RNF182: variants seen among roughly 807,000 people sequenced by gnomAD.
The protein encoded by RNF182 is E3 ubiquitin-protein ligase RNF182.
A neutral mutation model predicts 14.4 loss-of-function variants in RNF182; 15 were observed. The ratio of observed to expected loss-of-function variants is 1.04; its 90% CI spans 0.70 to 1.60. RNF182 has a LOEUF of 1.60. Among genes scored for constraint, RNF182 ranks in the 40% most tolerant of loss-of-function variants. The probability of loss-of-function intolerance (pLI) is 0.00; values close to 1 mark genes in which losing one functional copy is unlikely to be tolerated. For missense variants in RNF182, 268 were observed against 294.8 expected (o/e 0.91, Z 0.67); for synonymous variants, 128 against 122.9 (o/e 1.04, Z -0.27).
intron 1 of RNF182, among the ~76,000 whole-genome samples, chr6:13,942,504 G>T (rs1165162098): frequency 1.3e-5 from 2 of 152,000 alleles, no homozygotes; most frequent in South Asian, 2.1e-4. Context: ...ACCACACCTG[G>T]CTAATTTTTG....
chr6:13,949,779 A>G, intron 1 of RNF182: 1 of 165,476 alleles, frequency 6.0e-6, no homozygotes, highest in Non-Finnish European at 1.3e-5. Flanking sequence ...GAATAGGTAA[A>G]CATACAGTGC....
chr6:13,925,126 G>T (rs936770022), intron 1 of RNF182, 103 bp downstream of exon 1: 2 of 124,706 alleles, frequency 1.6e-5, no homozygotes, highest in East Asian at 5.2e-4. Context: ...GCGCCGGGCC[G>T]CCCAAGCGCG....
chr6:13,977,491 G>T lies in RNF182; in HGVS notation c.372G>T (p.Thr124=). The T allele has an allele frequency of 1.2e-6, 2 of 1,614,106 alleles. No individual in the cohort carries two copies. The highest frequency in any genetic ancestry group is 1.7e-6 in the Non-Finnish European group (2 of 1,180,024). Residue 124 remains threonine (T), a synonymous_variant, in exon 3 of 3, where the codon ACG becomes ACT. Coordinates refer to ENST00000488300, the MANE Select transcript of RNF182 (RefSeq NM_152737.4). ...RLASLVSPSH[T]SSNCLVITIM... ...CCTCTCTGGTCAGTCCTTCTCACAC[G>T]TCCTCCAACTGCCTGGTCATAACCA...
chr6:13,953,074 T>C (rs1367631043), intron 1 of RNF182, among the ~76,000 whole-genome samples: 1 of 152,230 alleles, frequency 6.6e-6, no homozygotes, highest in African/African-American at 2.4e-5. Context: ...TCAGGACATT[T>C]CCTGGGTCTG....
intron 1 of RNF182, among the ~76,000 whole-genome samples, chr6:13,931,652 TTTTTTTTTTA>T (rs1758973383): frequency 1.2e-5 from 1 of 80,074 alleles, no homozygotes. Flanking sequence ...TTTTTTTCTC[TTTTTTTTTTA>T]ATGTTCAAGG....
intron 1 of RNF182, among the ~76,000 whole-genome samples, chr6:13,930,100 A>G (rs1758928641): frequency 6.6e-6 from 1 of 151,494 alleles, no homozygotes; most frequent in Non-Finnish European, 1.5e-5. Context: ...TCAATTATGG[A>G]TTGGAAATAT....
chr6:13,954,336 G>A (rs1268841823), intron 1 of RNF182, among the ~76,000 whole-genome samples: 3 of 152,094 alleles, frequency 2.0e-5, no homozygotes, highest in African/African-American at 4.8e-5. Context: ...TTCCCTTATT[G>A]TCTTGTAAAT....
chr6:13,950,052 C>A (rs1213982914), intron 1 of RNF182, among the ~76,000 whole-genome samples: 1 of 152,220 alleles, frequency 6.6e-6, no homozygotes, highest in Non-Finnish European at 1.5e-5. Flanking sequence ...CTGAACTAGG[C>A]AAGAAACTTC....
chr6:13,974,980 A>T (rs954932931), intron 2 of RNF182, among the ~76,000 whole-genome samples: 1 of 152,196 alleles, frequency 6.6e-6, no homozygotes, highest in Admixed American at 6.5e-5. Context: ...CTGGGTGGGC[A>T]TGTAGCTGCA....
At position 13,925,021 on chromosome 6, in the gene RNF182, CAGGTAAGG is replaced by C. The variant is rs1185245939; in HGVS notation, c.-368_-367+6del. 1.3e-4 allele frequency: 20 copies of C among 150,450 alleles called. No individual in the cohort carries two copies. Among genetic ancestry groups the C allele is most frequent in the South Asian group, 4.0e-4 (2 of 5,052 alleles). 9.3% of individuals were successfully genotyped at this position (150,450 alleles called of 1,614,324 possible). On this transcript the variant is annotated splice_donor_variant and splice_donor_5th_base_variant and 5_prime_UTR_variant and intron_variant, in exon 1 of 3. Coordinates refer to ENST00000488300, the MANE Select transcript of RNF182 (RefSeq NM_152737.4). LOFTEE classifies it low-confidence loss of function (5UTR_SPLICE). ...TCCCGGGCCCTGGGCCGCCGCCGGC[CAGGTAAGG>C]CGATCGCGCCCGCGGCCGGGGAGGG...
chr6:13,927,025 C>T (rs1251823501), intron 1 of RNF182, among the ~76,000 whole-genome samples: 2 of 152,118 alleles, frequency 1.3e-5, no homozygotes, highest in Non-Finnish European at 2.9e-5. Flanking sequence ...TGCTAGCTCA[C>T]ACGGGCACAA....
At position 13,977,221 on chromosome 6, in the gene RNF182, C is replaced by A. The variant is rs1561790524; in HGVS notation, c.102C>A (p.Pro34=). ...YNRYNLKQRK[P]KVLECCHRVC... ...GATACAATCTGAAACAGAGGAAACC[C>A]AAAGTGCTGGAGTGTTGTCATAGGG... The change falls in exon 3 of 3, where the codon CCC becomes CCA. Residue 34 remains proline, a synonymous_variant. Coordinates refer to ENST00000488300, the MANE Select transcript of RNF182 (RefSeq NM_152737.4). 3 of 1,614,160 alleles carry A rather than the reference C, an allele frequency of 1.9e-6. No individual in the cohort carries two copies. Among genetic ancestry groups the A allele is most frequent in the East Asian group, 2.2e-5 (1 of 44,882 alleles).
At chr6:13,953,226 C>G (rs115726317) in intron 1 of RNF182, among the ~76,000 whole-genome samples, 1,583 of 152,288 alleles carry the variant, frequency 0.01, 31 homozygotes, top group African/African-American at 0.036. Context: ...TTACTCAGCC[C>G]CTAGGCAAGA....
chr6:13,941,257 A>G (rs1759292692), intron 1 of RNF182, among the ~76,000 whole-genome samples: 1 of 152,100 alleles, frequency 6.6e-6, no homozygotes, highest in Non-Finnish European at 1.5e-5. Context: ...ATATATACAA[A>G]CTTATAATTG....
intron 1 of RNF182, among the ~76,000 whole-genome samples, chr6:13,935,022 A>G (rs1759072127): frequency 6.6e-6 from 1 of 152,200 alleles, no homozygotes; most frequent in Non-Finnish European, 1.5e-5. Context: ...GTTTTATTCT[A>G]TGTGGAATAG....
At position 13,934,633 on chromosome 6, in the gene RNF182, A is replaced by T. The variant is rs1038351260; in HGVS notation, c.-367+9610A>T. 3.9e-5 allele frequency among the ~76,000 whole-genome samples: 6 copies of T among 152,304 alleles called. No homozygotes were observed. In the South Asian group the frequency reaches 1.0e-3, roughly 26 times the overall value. On this transcript the variant is annotated intron_variant, in intron 1 of 2. Coordinates refer to ENST00000488300, the MANE Select transcript of RNF182 (RefSeq NM_152737.4). ...GGTAGTTTGCCATTTAGATAGGATT[A>T]TGAAGACTGAACTGTGATCCACGCA...
intron 1 of RNF182, among the ~76,000 whole-genome samples, chr6:13,959,021 T>C (rs1561783846): frequency 6.6e-6 from 1 of 152,224 alleles, no homozygotes; most frequent in Non-Finnish European, 1.5e-5. Context: ...TCTGCAGATA[T>C]CGGCTCCCTT....
intron 1 of RNF182, among the ~76,000 whole-genome samples, chr6:13,930,678 A>C (rs1326276769): frequency 1.3e-5 from 2 of 152,230 alleles, no homozygotes; most frequent in Non-Finnish European, 2.9e-5. Flanking sequence ...CATAAAAGCA[A>C]GTGAGTAAAC....
chr6:13,946,268 G>A (rs1035390561), intron 1 of RNF182, among the ~76,000 whole-genome samples: 1 of 151,636 alleles, frequency 6.6e-6, no homozygotes, highest in African/African-American at 2.4e-5. Flanking sequence ...CTGGGTTGAA[G>A]CAATTCTCCT....
Sources: allele counts gnomAD v4.1 joint callset (sites outside exome capture counted in the v4.1 genomes callset), GRCh38; gene constraint gnomAD v4.1.1; transcripts MANE v1.5; gene names NCBI Gene and HGNC (gene_info 2026-07-23, HGNC 2026-07-21).